ULBP1: variants seen among roughly 807,000 people sequenced by gnomAD.
ULBP1 encodes the protein UL16 binding protein 1.
A neutral mutation model predicts 25.3 loss-of-function variants in ULBP1; 28 were observed. That is an observed-to-expected ratio of 1.10 (90% CI 0.82 to 1.51). The LOEUF is 1.51. Among genes scored for constraint, ULBP1 ranks in the 40% most tolerant of loss-of-function variants. The pLI, the probability that ULBP1 is intolerant of heterozygous loss-of-function variation, is 0.00. For missense variants in ULBP1, 348 were observed against 290.9 expected, an observed-to-expected ratio of 1.20 and a Z score of -1.43; for synonymous variants, 129 against 103.0, an observed-to-expected ratio of 1.25 and a Z score of -1.53.
chr6:149,967,868 G>C (rs1233402146), intron 1 of ULBP1, among the ~76,000 whole-genome samples: 1 of 152,116 alleles, frequency 6.6e-6, no homozygotes, highest in Non-Finnish European at 1.5e-5. Context: ...ATAGTCTGCT[G>C]CCTTCTCCTG....
intron 1 of ULBP1, among the ~76,000 whole-genome samples, chr6:149,966,856 T>C (rs1417249712): frequency 6.6e-6 from 1 of 152,160 alleles, no homozygotes; most frequent in Non-Finnish European, 1.5e-5. Flanking sequence ...CACTAGGGGA[T>C]CCTGTTGTGA....
intron 1 of ULBP1, among the ~76,000 whole-genome samples, chr6:149,967,708 A>C (rs548201060): frequency 6.3e-4 from 95 of 151,512 alleles, no homozygotes; most frequent in African/African-American, 2.3e-3. Flanking sequence ...ACATCATTGC[A>C]CCCTCCTTCC....
At chr6:149,967,314 C>T (rs1394073267) in intron 1 of ULBP1, among the ~76,000 whole-genome samples, 6 of 152,188 alleles carry the variant, frequency 3.9e-5, no homozygotes, top group African/African-American at 1.2e-4. Flanking sequence ...GGGTATTTGC[C>T]ATTTCATGGC....
chr6:149,964,146 G>C lies in ULBP1; in HGVS notation c.85+12G>C, dbSNP rs746632249. The stretch of plus-strand genomic sequence containing the variant: ...GGCAGGATGGGTCGGTGAGTTCGGG[G>C]ATGTAGCCTAAGCAGGGCGGGGGCC... On this transcript the variant is annotated intron_variant, in intron 1 of 4. Coordinates refer to ENST00000229708, the MANE Select transcript of ULBP1 (RefSeq NM_025218.4). 6.2e-7 allele frequency: 1 copy of C among 1,614,144 alleles called. No homozygotes were observed. The highest frequency in any genetic ancestry group is 1.3e-5 in the African/African-American group (1 of 75,068).
chr6:149,969,934 C>A, intron 3 of ULBP1, 82 bp from the exon 4 acceptor site: 1 of 1,513,442 alleles, frequency 6.6e-7, no homozygotes, highest in Non-Finnish European at 8.9e-7. Context: ...TCCAGGATGA[C>A]CTGGGGTGGC....
chr6:149,969,896 A>G (rs1361096540), intron 3 of ULBP1, 120 bp from the exon 4 acceptor site: 19 of 1,363,174 alleles, frequency 1.4e-5, no homozygotes, highest in Non-Finnish European at 1.7e-5. Flanking sequence ...AGGTTGCCCC[A>G]CAGCAGAGGG....
At position 149,972,393 on chromosome 6, in the gene ULBP1, C is replaced by T. The variant is rs1320325334; in HGVS notation, c.*1047C>T. On this transcript the variant is annotated 3_prime_UTR_variant, in exon 5 of 5. Transcript: ENST00000229708. ...AAAGATTTAAATATAAGTACTAAAACTGTAAAAATCCTGGAATATAACCTA... is the reference window on the plus strand; with the variant it reads ...AAAGATTTAAATATAAGTACTAAAATTGTAAAAATCCTGGAATATAACCTA... 1 of 152,122 alleles carries T rather than the reference C, an allele frequency of 6.6e-6. No individual in the cohort carries two copies. Among genetic ancestry groups the T allele is most frequent in the Non-Finnish European group, 1.5e-5 (1 of 68,024 alleles). The allele number at this position is 152,122 out of a possible 1,614,324, so 9.4% of individuals were successfully genotyped here.
chr6:149,965,904 T>G (rs1488294803), intron 1 of ULBP1, among the ~76,000 whole-genome samples: 1 of 152,072 alleles, frequency 6.6e-6, no homozygotes, highest in African/African-American at 2.4e-5. Context: ...AACTAGCACC[T>G]TGTCCCCTTT....
chr6:149,968,132 G>C (rs376933753), intron 1 of ULBP1, among the ~76,000 whole-genome samples: 1 of 152,134 alleles, frequency 6.6e-6, no homozygotes, highest in Non-Finnish European at 1.5e-5. Flanking sequence ...CTTTGCCAAC[G>C]TGTTAAATCA....
Position 149,970,098 on chromosome 6 carries a change from C to A in ULBP1, c.708C>A (p.Phe236Leu), listed in dbSNP as rs761051952. The A allele has an allele frequency of 3.7e-6, 6 of 1,612,196 alleles. No individual in the cohort carries two copies. The highest frequency in any genetic ancestry group is 5.1e-6 in the Non-Finnish European group (6 of 1,179,246). The change falls in exon 4 of 5, where the codon TTC (phenylalanine) becomes TTA (leucine). Residue 236 changes from phenylalanine to leucine, a missense_variant. Transcript: ENST00000229708. ...TLSPWSLLII[F>L]LCFILAGR The stretch of plus-strand genomic sequence containing the variant: ...GTCCCTGGAGCCTTCTCATCATCTT[C>A]CTCTGCTTCATTCTAGCTGGCAGAT...
chr6:149,967,955 T>G (rs1290875745), intron 1 of ULBP1, among the ~76,000 whole-genome samples: 2 of 152,112 alleles, frequency 1.3e-5, no homozygotes, highest in African/African-American at 4.8e-5. Context: ...TTGTTCTGGA[T>G]TTTCATATTG....
At position 149,968,829 on chromosome 6, in the gene ULBP1, G is replaced by A. The variant is rs763363923; in HGVS notation, c.308G>A (p.Gly103Glu). ...TLRDVVDFLKGQLLDIQVENL... is the reference protein window; with the variant it reads ...TLRDVVDFLKEQLLDIQVENL... ...AGAGACGTGGTGGATTTCCTTAAAG[G>A]GCAACTGCTTGACATTCAAGTGGAG... Residue 103 changes from glycine (G) to glutamate (E), a missense_variant, in exon 2 of 5, where the codon GGG (glycine) becomes GAG (glutamate). Transcript: ENST00000229708. 8 of 1,614,094 alleles carry A rather than the reference G, an allele frequency of 5.0e-6. No homozygotes were observed. In the East Asian group the frequency reaches 6.7e-5, roughly 13 times the overall value.
chr6:149,968,628 A>G lies in ULBP1; in HGVS notation c.107A>G (p.Asp36Gly), dbSNP rs1779246110. Reference sequence around the variant, plus strand: ...ACAGACACACACTGTCTTTGCTATGACTTCATCATCACTCCTAAGTCCAGA... The same window carrying G: ...ACAGACACACACTGTCTTTGCTATGGCTTCATCATCACTCCTAAGTCCAGA... ...GWVDTHCLCY[D>G]FIITPKSRPE... The change falls in exon 2 of 5, where the codon GAC becomes GGC. Residue 36 changes from aspartate (D) to glycine (G), a missense_variant. Asp to Gly is a moderately conservative substitution (Grantham distance 94). Transcript: ENST00000229708. The G allele has an allele frequency of 6.2e-7, 1 of 1,608,426 alleles. No individual in the cohort carries two copies. Among genetic ancestry groups the G allele is most frequent in the Non-Finnish European group, 8.5e-7 (1 of 1,175,608 alleles).
intron 3 of ULBP1, among the ~76,000 whole-genome samples, chr6:149,969,731 G>A (rs1779278023): frequency 6.6e-6 from 1 of 152,178 alleles, no homozygotes; most frequent in South Asian, 2.1e-4. Context: ...GCCAGGGCCT[G>A]AGGCCCTCCC....
intron 4 of ULBP1, among the ~76,000 whole-genome samples, chr6:149,970,558 A>G (rs1335909418): frequency 6.6e-6 from 1 of 152,234 alleles, no homozygotes; most frequent in Non-Finnish European, 1.5e-5. Flanking sequence ...TCCCTGGAGG[A>G]GGCTAAGAAG....
At chr6:149,967,293 T>C (rs1779220442) in intron 1 of ULBP1, among the ~76,000 whole-genome samples, 1 of 152,244 alleles carries the variant, frequency 6.6e-6, no homozygotes, top group South Asian at 2.1e-4. Flanking sequence ...CTGTGTCTAC[T>C]AGGAGTGTCT....
rs1465137962 is a variant in ULBP1, at chr6:149,972,136, A to T, written c.*790A>T. 6.6e-6 allele frequency: 1 copy of T among 152,178 alleles called. No individual in the cohort carries two copies. The highest frequency in any genetic ancestry group is 1.5e-5 in the Non-Finnish European group (1 of 68,036). The allele number at this position is 152,178 out of a possible 1,614,324, so 9.4% of individuals were successfully genotyped here. A position where few individuals can be genotyped will look rare whatever the true frequency, so the allele number is the denominator to read the frequency against. ...GTGCCTGTTGTAGAAATTTTTAATT[A>T]TTTAATATGAAAATATTACATTCAT... On this transcript the variant is annotated 3_prime_UTR_variant, in exon 5 of 5. Coordinates refer to ENST00000229708, the MANE Select transcript of ULBP1 (RefSeq NM_025218.4).
intron 1 of ULBP1, 32 bp downstream of exon 1, chr6:149,964,166 G>A (rs74844020): frequency 0.052 from 84,131 of 1,613,080 alleles, 5,055 homozygotes; most frequent in East Asian, 0.33. Flanking sequence ...AAGCAGGGCG[G>A]GGGCCAAACC....
intron 1 of ULBP1, among the ~76,000 whole-genome samples, chr6:149,964,493 C>G (rs981008546): frequency 7.0e-5 from 10 of 143,338 alleles, no homozygotes; most frequent in African/African-American, 2.6e-4. Flanking sequence ...CCGGTGCTGT[C>G]TCCCCGAACA....
Sources: allele counts gnomAD v4.1 joint callset (sites outside exome capture counted in the v4.1 genomes callset), GRCh38; gene constraint gnomAD v4.1.1; transcripts MANE v1.5; gene names NCBI Gene and HGNC (gene_info 2026-07-23, HGNC 2026-07-21).